Variants in ARHGEF37 observed in about 807,000 individuals in gnomAD.
ARHGEF37 encodes Rho guanine nucleotide exchange factor (GEF) 37.
A neutral mutation model predicts 71.1 loss-of-function variants in ARHGEF37; 55 were observed. That is an observed-to-expected ratio of 0.77 (90% CI 0.62 to 0.97). ARHGEF37 has a LOEUF of 0.97. ARHGEF37 is among the 50% of genes least tolerant of loss of function. ARHGEF37 has a pLI of 0.00. For synonymous variants in ARHGEF37, 327 were observed against 350.6 expected, an observed-to-expected ratio of 0.93 and a Z score of 0.75; for missense variants, 765 against 836.8, an observed-to-expected ratio of 0.91 and a Z score of 1.06.
intron 3 of ARHGEF37, among the ~76,000 whole-genome samples, chr5:149,602,675 G>A (rs1580910496): frequency 1.3e-5 from 2 of 152,064 alleles, no homozygotes; most frequent in African/African-American, 4.8e-5. Context: ...AAGGAGGAGT[G>A]GGTCCAAACC....
intron 1 of ARHGEF37, among the ~76,000 whole-genome samples, chr5:149,574,707 T>G (rs1763007094): frequency 6.6e-6 from 1 of 152,224 alleles, no homozygotes; most frequent in Non-Finnish European, 1.5e-5. Flanking sequence ...AGGTATCAGC[T>G]AGCCCAAAAT....
rs1218598922 is a variant in ARHGEF37 at position 149,609,646 on chromosome 5, A to C, written c.409A>C (p.Lys137Gln). ...CTTGCTACTGGTGGACACGTACCGG[A>C]AGGAGCCGGAGCTGCAGCGGCACAT... The part of the protein sequence containing the change: ...QALLLVDTYR[K>Q]EPELQRHIQG... The change falls in exon 4 of 13, where the codon AAG (lysine) becomes CAG (glutamine). Residue 137 changes from lysine (K) to glutamine (Q), a missense_variant. Transcript: ENST00000333677. 1 of 1,612,908 alleles carries C rather than the reference A, an allele frequency of 6.2e-7. No homozygotes were observed. The highest frequency in any genetic ancestry group is 8.5e-7 in the Non-Finnish European group (1 of 1,180,026).
chr5:149,600,704 G>A lies in ARHGEF37; in HGVS notation c.187-404G>A, dbSNP rs184570631. Among the ~76,000 whole-genome samples, 704 of 150,830 alleles carry A rather than the reference G, an allele frequency of 4.7e-3. 6 individuals carry two copies. The highest frequency in any genetic ancestry group is 8.5e-3 in the Non-Finnish European group (575 of 67,864). On this transcript the variant is annotated intron_variant, in intron 2 of 12. Transcript: ENST00000333677. ...CGCCCAGGCTGGAGTGCAGTGGCAC[G>A]ATCTCGGCTCACTGCAACCTCCACC...
chr5:149,567,819 T>C (rs943333752), intron 1 of ARHGEF37, among the ~76,000 whole-genome samples: 2 of 152,188 alleles, frequency 1.3e-5, no homozygotes, highest in Non-Finnish European at 2.9e-5. Flanking sequence ...ACCTTAGCCA[T>C]GGAATCAGCC....
At position 149,582,026 on chromosome 5, in the gene ARHGEF37, A is replaced by C. The variant is rs368866535; in HGVS notation, c.-12+402A>C. The stretch of plus-strand genomic sequence containing the variant: ...CCTTGCCAAGCAAAATATAATTATG[A>C]ATAGACAGTCAAGGCCAGGAAAAAA... On this transcript the variant is annotated intron_variant, in intron 1 of 12. Coordinates refer to ENST00000333677, the MANE Select transcript of ARHGEF37 (RefSeq NM_001001669.3). Among the ~76,000 whole-genome samples the C allele has an allele frequency of 1.4e-4, 21 of 152,348 alleles. 1 individual carries two copies. The highest frequency in any genetic ancestry group is 5.0e-4 in the African/African-American group (21 of 41,594).
At chr5:149,584,662 T>C (rs1198941098) in intron 1 of ARHGEF37, among the ~76,000 whole-genome samples, 2 of 152,174 alleles carry the variant, frequency 1.3e-5, no homozygotes, top group East Asian at 3.9e-4. Flanking sequence ...CAGGCTGGAG[T>C]GCAATGGCAT....
intron 2 of ARHGEF37, among the ~76,000 whole-genome samples, chr5:149,600,192 T>C (rs1033366105): frequency 6.6e-6 from 1 of 152,182 alleles, no homozygotes; most frequent in Non-Finnish European, 1.5e-5. Context: ...ACAGTAAAAA[T>C]ATGATATTAT....
At chr5:149,573,007 G>A (rs1458448775) in intron 1 of ARHGEF37, among the ~76,000 whole-genome samples, 1 of 152,154 alleles carries the variant, frequency 6.6e-6, no homozygotes, top group African/African-American at 2.4e-5. Flanking sequence ...AAGGACTTCT[G>A]CGCTGGGTCA....
rs1300452251 is a variant in ARHGEF37, at chr5:149,633,936, C to T, written c.*1745C>T. Reference sequence around the variant, plus strand: ...TCTTGACTCATTCTCTCTGCTCTTTCCTGCTCAGATTTCTGATAAAAATAG... The same window carrying T: ...TCTTGACTCATTCTCTCTGCTCTTTTCTGCTCAGATTTCTGATAAAAATAG... On this transcript the variant is annotated 3_prime_UTR_variant, in exon 13 of 13. Transcript: ENST00000333677. 1 of 152,168 alleles carries T rather than the reference C, an allele frequency of 6.6e-6. No individual in the cohort carries two copies. The highest frequency in any genetic ancestry group is 1.5e-5 in the Non-Finnish European group (1 of 68,034). The allele number at this position is 152,168 out of a possible 1,614,324, so 9.4% of individuals were successfully genotyped here. A position where few individuals can be genotyped will look rare whatever the true frequency, so the allele number is the denominator to read the frequency against.
At chr5:149,609,430 T>C in intron 3 of ARHGEF37, 118 bp from the exon 4 acceptor site, 1 of 1,150,596 alleles carries the variant, frequency 8.7e-7, no homozygotes. Context: ...GGTGACATGC[T>C]GGTAAACCCA....
intron 3 of ARHGEF37, among the ~76,000 whole-genome samples, chr5:149,605,249 A>G (rs1763885637): frequency 6.6e-6 from 1 of 151,338 alleles, no homozygotes; most frequent in Non-Finnish European, 1.5e-5. Flanking sequence ...AAAGAAAAGA[A>G]AAAAAGAAAT....
chr5:149,616,627 C>T lies in ARHGEF37; in HGVS notation c.519C>T (p.Thr173=), dbSNP rs1752390552. The T allele has an allele frequency of 2.5e-6, 4 of 1,613,082 alleles. No homozygotes were observed. The South Asian group carries it at 4.4e-5, about 18-fold the overall frequency. The change falls in exon 5 of 13, where the codon ACC becomes ACT. Residue 173 remains threonine, a synonymous_variant. Transcript: ENST00000333677. ...TGGTAATTCCTCTGCAGAGGATCAC[C>T]AGGTACCCACTGCTGCTGCAGAAAA... ...FLLVIPLQRI[T]RYPLLLQKIL...
At chr5:149,582,701 A>C (rs1763136713) in intron 1 of ARHGEF37, among the ~76,000 whole-genome samples, 1 of 152,214 alleles carries the variant, frequency 6.6e-6, no homozygotes, top group Admixed American at 6.5e-5. Context: ...GGATATCCCA[A>C]GTACACTGAT....
chr5:149,571,887 CAG>C (rs1441933473), intron 1 of ARHGEF37, among the ~76,000 whole-genome samples: 3 of 114,860 alleles, frequency 2.6e-5, no homozygotes, highest in Admixed American at 1.3e-4. Flanking sequence ...GTCTGGGTGA[CAG>C]AGTGAGACCC....
intron 1 of ARHGEF37, among the ~76,000 whole-genome samples, chr5:149,596,587 G>T (rs1002173460): frequency 1.1e-4 from 16 of 152,234 alleles, no homozygotes; most frequent in African/African-American, 3.9e-4. Context: ...TTACAGGCGT[G>T]AGCCACCGCA....
In ARHGEF37 at chr5:149,632,257, G is replaced by T; in HGVS notation, c.*66G>T. On this transcript the variant is annotated 3_prime_UTR_variant, in exon 13 of 13. Transcript: ENST00000333677. ...GGCTTAGAGGCTCTGACCCTGGGGG[G>T]AAAAGAAGCAAAGGAAAGGTGGAGG... 2 of 1,553,382 alleles carry T rather than the reference G, an allele frequency of 1.3e-6. No individual in the cohort carries two copies. Among genetic ancestry groups the T allele is most frequent in the Admixed American group, 1.8e-5 (1 of 54,844 alleles).
At chr5:149,552,529 A>G (rs777490537) in intron 1 of ARHGEF37, among the ~76,000 whole-genome samples, 17 of 152,210 alleles carry the variant, frequency 1.1e-4, no homozygotes, top group Non-Finnish European at 1.8e-4. Context: ...CCTATCCTAA[A>G]TAAAATTTAA....
intron 1 of ARHGEF37, among the ~76,000 whole-genome samples, chr5:149,568,931 A>G (rs983528398): frequency 4.0e-5 from 6 of 148,370 alleles, no homozygotes; most frequent in African/African-American, 1.5e-4. Context: ...ATTTTTTTTT[A>G]TCATAGATTT....
chr5:149,613,771 T>C (rs1393634183), intron 4 of ARHGEF37, among the ~76,000 whole-genome samples: 4 of 151,232 alleles, frequency 2.6e-5, no homozygotes, highest in Non-Finnish European at 5.9e-5. Flanking sequence ...TTTCTTTTTT[T>C]TTTTTTTTTT....
Sources: allele counts gnomAD v4.1 joint callset (sites outside exome capture counted in the v4.1 genomes callset), GRCh38; gene constraint gnomAD v4.1.1; transcripts MANE v1.5; gene names NCBI Gene and HGNC (gene_info 2026-07-23, HGNC 2026-07-21).